The following C2orf76 variants were observed in gnomAD, a reference collection of about 807,000 sequenced individuals.
C2orf76 encodes the protein UPF0538 protein C2orf76.
A neutral mutation model predicts 16.9 loss-of-function variants in C2orf76; 23 were observed. The ratio of observed to expected loss-of-function variants is 1.36; its 90% CI spans 0.98 to 1.93. The LOEUF (loss-of-function observed/expected upper bound fraction) is 1.93, where lower values mean the gene tolerates loss of function less well. Among genes scored for constraint, C2orf76 ranks in the 30% most tolerant of loss-of-function variants. The pLI is 0.00. For synonymous variants in C2orf76, 48 were observed against 52.3 expected (o/e 0.92, Z 0.35); for missense variants, 152 against 152.6 (o/e 1.00, Z 0.02).
At chr2:119,319,326 G>A (rs1262427385) in intron 3 of C2orf76, among the ~76,000 whole-genome samples, 1 of 152,170 alleles carries the variant, frequency 6.6e-6, no homozygotes, top group Non-Finnish European at 1.5e-5. Context: ...TGTGACCTGA[G>A]GAGTGGGTAA....
At chr2:119,366,877 C>A, upstream of C2orf76, 1 of 813,942 alleles carries the variant, frequency 1.2e-6, no homozygotes, top group Non-Finnish European at 1.9e-6. Context: ...GCGGCGGGGG[C>A]TGGGCACGCC....
At chr2:119,284,512 A>G in the C2orf76 span, among the ~76,000 whole-genome samples, 1 of 152,034 alleles carries the variant, frequency 6.6e-6, no homozygotes, top group African/African-American at 2.4e-5. Flanking sequence ...GCCTCAGTGG[A>G]TCACCGGGCT....
chr2:119,365,789 A>G (rs1023454780), intron 1 of C2orf76, among the ~76,000 whole-genome samples: 3 of 152,120 alleles, frequency 2.0e-5, no homozygotes, highest in African/African-American at 7.2e-5. Context: ...TTCAGTTCCC[A>G]TGGAGATTAG....
chr2:119,322,322 T>C (rs1348937288), intron 2 of C2orf76, among the ~76,000 whole-genome samples: 1 of 150,902 alleles, frequency 6.6e-6, no homozygotes, highest in African/African-American at 2.5e-5. Context: ...TCCCCCTGCA[T>C]CAACCCCCCA....
intron 1 of C2orf76, among the ~76,000 whole-genome samples, chr2:119,341,164 AT>A (rs1161624014): frequency 3.3e-5 from 5 of 151,952 alleles, no homozygotes; most frequent in African/African-American, 7.2e-5. Flanking sequence ...CACTTTCTAT[AT>A]TTTTTTTAAT....
intron 1 of C2orf76, among the ~76,000 whole-genome samples, chr2:119,365,815 C>A (rs2104666678): frequency 6.6e-6 from 1 of 152,242 alleles, no homozygotes; most frequent in Middle Eastern, 3.4e-3. Flanking sequence ...GTAACAATCT[C>A]GCAAAGACGT....
the C2orf76 span, among the ~76,000 whole-genome samples, chr2:119,294,838 C>T: frequency 3.9e-5 from 6 of 152,068 alleles, no homozygotes; most frequent in African/African-American, 9.7e-5. Context: ...GTGTAGAAGG[C>T]GGAGCGCGGC....
At chr2:119,325,328 C>T (rs540436313) in intron 2 of C2orf76, among the ~76,000 whole-genome samples, 47 of 151,908 alleles carry the variant, frequency 3.1e-4, no homozygotes, top group Admixed American at 4.6e-4. Context: ...GGCGTGGTGG[C>T]GGGTGCCTGT....
intron 1 of C2orf76, among the ~76,000 whole-genome samples, chr2:119,362,482 T>A (rs1043686211): frequency 6.6e-6 from 1 of 152,200 alleles, no homozygotes; most frequent in African/African-American, 2.4e-5. Flanking sequence ...AGGTGGTTTG[T>A]CATGTGCAGC....
intron 2 of C2orf76, among the ~76,000 whole-genome samples, chr2:119,332,317 T>C (rs1266839911): frequency 1.3e-5 from 2 of 151,972 alleles, no homozygotes; most frequent in Admixed American, 6.6e-5. Context: ...ATGACTAATC[T>C]ATATGGACAA....
rs1679972203 is a variant in C2orf76, at chr2:119,339,930, A to T, written c.30T>A (p.Val10=). The T allele has an allele frequency of 1.2e-6, 2 of 1,612,824 alleles. No homozygotes were observed. Among genetic ancestry groups the T allele is most frequent in the African/African-American group, 1.3e-5 (1 of 75,044 alleles). The part of the protein sequence containing the change: MAPGEVTIT[V]RLIRSFEHRN... ...GATGTTCAAAGGAACGGATGAGGCG[A>T]ACTGTGATGGTCACTTCTCCAGGAG... is the stretch of plus-strand genomic sequence containing the variant. The change falls in exon 2 of 6, where the codon GTT becomes GTA. Residue 10 remains valine (V), a synonymous_variant. Coordinates refer to ENST00000334816, the MANE Select transcript of C2orf76 (RefSeq NM_001322331.2).
chr2:119,302,593 TA>T, intron 5 of C2orf76, 45 bp from the exon 6 acceptor site: 1 of 1,216,460 alleles, frequency 8.2e-7, no homozygotes, highest in Non-Finnish European at 1.1e-6. Flanking sequence ...AATGTAAATC[TA>T]AATTTTAAAC....
chr2:119,324,270 C>A (rs891930147), intron 2 of C2orf76, among the ~76,000 whole-genome samples: 1 of 152,178 alleles, frequency 6.6e-6, no homozygotes, highest in Non-Finnish European at 1.5e-5. Flanking sequence ...CAGGACACAG[C>A]GAGCACCTAT....
intron 2 of C2orf76, among the ~76,000 whole-genome samples, chr2:119,328,305 G>C (rs534643920): frequency 6.6e-6 from 1 of 152,226 alleles, no homozygotes; most frequent in East Asian, 1.9e-4. Flanking sequence ...AAAATACAGA[G>C]TTGTTCATGC....
At chr2:119,326,886 A>C (rs895799907) in intron 2 of C2orf76, among the ~76,000 whole-genome samples, 3 of 152,152 alleles carry the variant, frequency 2.0e-5, no homozygotes, top group Non-Finnish European at 4.4e-5. Flanking sequence ...TAATTCTTGT[A>C]CACTGATCTT....
intron 2 of C2orf76, among the ~76,000 whole-genome samples, chr2:119,327,795 C>T (rs547409125): frequency 6.6e-5 from 10 of 152,100 alleles, no homozygotes; most frequent in Non-Finnish European, 1.3e-4. Flanking sequence ...TTATAAATTA[C>T]CCAGCTTCAG....
At chr2:119,290,772 G>A in the C2orf76 span, among the ~76,000 whole-genome samples, 1 of 152,222 alleles carries the variant, frequency 6.6e-6, no homozygotes, top group East Asian at 1.9e-4. Context: ...GGAGGTTGCG[G>A]TGAGCCGAGA....
intron 2 of C2orf76, among the ~76,000 whole-genome samples, chr2:119,336,871 A>G (rs1448335619): frequency 6.6e-6 from 1 of 152,096 alleles, no homozygotes; most frequent in African/African-American, 2.4e-5. Flanking sequence ...CCCTTTTGAC[A>G]CGGAGTCCAT....
At chr2:119,364,601 C>A (rs1305525709) in intron 1 of C2orf76, among the ~76,000 whole-genome samples, 1 of 152,188 alleles carries the variant, frequency 6.6e-6, no homozygotes, top group African/African-American at 2.4e-5. Flanking sequence ...GTGACTGATA[C>A]ACAATGACCC....
Sources: gnomAD v4.1 joint callset for allele counts (sites outside exome capture counted in the v4.1 genomes callset) on GRCh38, gnomAD v4.1.1 for gene constraint, MANE v1.5 for transcripts, NCBI Gene and HGNC (gene_info 2026-07-23, HGNC 2026-07-21) for gene names.